Variants in SBF2 observed in about 807,000 individuals in gnomAD.
SBF2 encodes the protein SET binding factor 2, also known as myotubularin-related protein 13.
Under a neutral mutation model 225.2 loss-of-function variants are expected in SBF2, and 112 were observed. That is an observed-to-expected ratio of 0.50 (90% CI 0.43 to 0.58). SBF2 has a LOEUF of 0.58. SBF2 is among the 20% of genes least tolerant of loss of function. The pLI is 0.00. For synonymous variants in SBF2, 763 were observed against 773.3 expected, an observed-to-expected ratio of 0.99 and a Z score of 0.22; for missense variants, 1,996 against 2,206.2, an observed-to-expected ratio of 0.90 and a Z score of 1.91.
intron 13 of SBF2, among the ~76,000 whole-genome samples, chr11:9,987,304 CCA>C (rs1226303888): frequency 6.6e-6 from 1 of 151,968 alleles, no homozygotes; most frequent in African/African-American, 2.4e-5. Flanking sequence ...TATAACAAAC[CCA>C]CAGTCACCAT....
intron 1 of SBF2, among the ~76,000 whole-genome samples, chr11:10,291,489 A>G (rs1413935885): frequency 1.3e-5 from 2 of 152,210 alleles, no homozygotes; most frequent in Admixed American, 1.3e-4. Flanking sequence ...CGAATGGACT[A>G]AGGCAAATAG....
At chr11:10,196,866 A>ATATATATATATATTTTTTTTTTTT in intron 1 of SBF2, among the ~76,000 whole-genome samples, 11 of 99,304 alleles carry the variant, frequency 1.1e-4, no homozygotes, top group African/African-American at 4.0e-4. Flanking sequence ...ATATATATAT[A>ATATATATATATATTTTTTTTTTTT]TTTTTTTTTT....
At chr11:9,804,545 A>T (rs1853682690) in intron 32 of SBF2, among the ~76,000 whole-genome samples, 1 of 152,240 alleles carries the variant, frequency 6.6e-6, no homozygotes, top group South Asian at 2.1e-4. Flanking sequence ...CACAATCATG[A>T]TACAGAACAG....
At chr11:9,847,968 G>C (rs1856671777) in intron 22 of SBF2, among the ~76,000 whole-genome samples, 1 of 152,064 alleles carries the variant, frequency 6.6e-6, no homozygotes, top group African/African-American at 2.4e-5. Flanking sequence ...AGAGAAGATG[G>C]AGCTTTAAAG....
chr11:10,174,079 C>G (rs902048705), intron 2 of SBF2, among the ~76,000 whole-genome samples: 2 of 151,770 alleles, frequency 1.3e-5, no homozygotes, highest in African/African-American at 4.8e-5. Flanking sequence ...AGCAGAAAAA[C>G]TGGAAACTCT....
Position 10,164,002 on chromosome 11 carries a change from T to C in SBF2, c.141+29900A>G, listed in dbSNP as rs182811334. On this transcript the variant is annotated intron_variant, in intron 2 of 39. Transcript: ENST00000256190. ...CAAAGCTGAAATTATTTCTGGCTTC[T>C]CACTACTCTATCAAGGTAGTGCTTC... is the stretch of plus-strand genomic sequence containing the variant. Among the ~76,000 whole-genome samples the C allele has an allele frequency of 5.9e-5, 9 of 152,334 alleles. No homozygotes were observed. In the South Asian group the frequency reaches 8.3e-4, roughly 14 times the overall value.
chr11:9,842,652 C>T lies in SBF2; in HGVS notation c.3229G>A (p.Gly1077Arg), dbSNP rs761048786. The T allele has an allele frequency of 1.2e-6, 2 of 1,614,020 alleles. No individual in the cohort carries two copies. The highest frequency in any genetic ancestry group is 1.7e-6 in the Non-Finnish European group (2 of 1,179,968). ...GATACATCATCATCTTCATTCCATC[C>T]AGGACGATTTACTCTTTCTTCCACA... is the stretch of plus-strand genomic sequence containing the variant. ...TIVEERVNRPGWNEDDDVSVS... is the reference protein window; with the variant it reads ...TIVEERVNRPRWNEDDDVSVS... Residue 1077 changes from glycine to arginine, a missense_variant, in exon 25 of 40, where the codon GGA becomes AGA. By Grantham distance (125) the Gly-to-Arg change is moderately radical. Transcript: ENST00000256190.
At chr11:9,855,852 T>C (rs1353561950) in intron 19 of SBF2, among the ~76,000 whole-genome samples, 1 of 152,156 alleles carries the variant, frequency 6.6e-6, no homozygotes, top group African/African-American at 2.4e-5. Context: ...TATTCCAGAA[T>C]GAAAATACCA....
intron 16 of SBF2, among the ~76,000 whole-genome samples, chr11:9,899,220 G>A (rs900505455): frequency 5.9e-5 from 9 of 151,996 alleles, no homozygotes; most frequent in African/African-American, 1.4e-4. Context: ...TGGGCTGGGT[G>A]TGGTGGTTCA....
At chr11:10,123,836 A>C (rs943096091) in intron 2 of SBF2, among the ~76,000 whole-genome samples, 6 of 152,184 alleles carry the variant, frequency 3.9e-5, no homozygotes, top group Non-Finnish European at 4.4e-5. Flanking sequence ...TTTCTCACTT[A>C]ACAATGTCAT....
At chr11:10,125,614 A>T (rs1360026184) in intron 2 of SBF2, among the ~76,000 whole-genome samples, 7 of 152,178 alleles carry the variant, frequency 4.6e-5, no homozygotes, top group Admixed American at 4.6e-4. Context: ...TTCACTCAGC[A>T]TCCTCCTATG....
intron 3 of SBF2, among the ~76,000 whole-genome samples, chr11:10,041,300 T>C (rs1367837266): frequency 1.3e-5 from 2 of 152,114 alleles, no homozygotes; most frequent in East Asian, 1.9e-4. Context: ...GTTGGCAACA[T>C]ATATCCAAAC....
At chr11:10,097,225 C>T (rs1401621893) in intron 2 of SBF2, among the ~76,000 whole-genome samples, 1 of 152,224 alleles carries the variant, frequency 6.6e-6, no homozygotes, top group Non-Finnish European at 1.5e-5. Flanking sequence ...GATGTAGCAA[C>T]AAGCACTTGA....
At chr11:10,202,219 A>T (rs1957591582) in intron 1 of SBF2, among the ~76,000 whole-genome samples, 1 of 152,232 alleles carries the variant, frequency 6.6e-6, no homozygotes, top group Non-Finnish European at 1.5e-5. Flanking sequence ...ATTTAAGAAA[A>T]GAAAGTCTTA....
intron 32 of SBF2, among the ~76,000 whole-genome samples, chr11:9,803,004 C>G (rs771437012): frequency 9.9e-5 from 15 of 152,120 alleles, no homozygotes; most frequent in Non-Finnish European, 1.6e-4. Context: ...CAGGCAAATT[C>G]TTAAAAATTT....
intron 2 of SBF2, among the ~76,000 whole-genome samples, chr11:10,075,440 T>G (rs74804651): frequency 0.013 from 1,918 of 152,302 alleles, 38 homozygotes; most frequent in African/African-American, 0.036. Flanking sequence ...TATGGTTTGG[T>G]TCTGTGTCCC....
intron 13 of SBF2, among the ~76,000 whole-genome samples, chr11:9,989,135 C>T (rs1320423700): frequency 1.3e-5 from 2 of 151,876 alleles, no homozygotes; most frequent in East Asian, 3.9e-4. Flanking sequence ...GAATTAACAG[C>T]ATTTGCAGTA....
intron 2 of SBF2, among the ~76,000 whole-genome samples, chr11:10,104,519 G>A (rs1952467151): frequency 6.7e-6 from 1 of 149,166 alleles, no homozygotes; most frequent in Admixed American, 6.8e-5. Flanking sequence ...AACTGCTCCA[G>A]GAATATGTAC....
intron 27 of SBF2, among the ~76,000 whole-genome samples, chr11:9,830,384 T>C (rs1366612946): frequency 6.6e-6 from 1 of 152,170 alleles, no homozygotes; most frequent in Non-Finnish European, 1.5e-5. Context: ...AAAACTGCCA[T>C]TTAAACTATG....
Sources: gnomAD v4.1 joint callset for allele counts (sites outside exome capture counted in the v4.1 genomes callset) on GRCh38, gnomAD v4.1.1 for gene constraint, MANE v1.5 for transcripts, NCBI Gene and HGNC (gene_info 2026-07-23, HGNC 2026-07-21) for gene names.